Variants in DNAJC18 observed in about 807,000 individuals in gnomAD.
The protein encoded by DNAJC18 is dnaJ homolog subfamily C member 18.
Under a neutral mutation model 48.6 loss-of-function variants are expected in DNAJC18, and 40 were observed. That is an observed-to-expected ratio of 0.82 (90% CI 0.64 to 1.07). DNAJC18 has a LOEUF of 1.07. Among genes scored for constraint, DNAJC18 ranks in the 50% least tolerant of loss-of-function variants. The probability of loss-of-function intolerance (pLI) is 0.00; values close to 1 mark genes in which losing one functional copy is unlikely to be tolerated. For missense variants in DNAJC18, 340 were observed against 427.7 expected (o/e 0.79, Z 1.81); for synonymous variants, 135 against 152.2 (o/e 0.89, Z 0.83).
intron 7 of DNAJC18, chr5:139,418,910 C>T (rs770989934): frequency 2.2e-6 from 1 of 454,164 alleles, no homozygotes; most frequent in Non-Finnish European, 4.4e-6. Context: ...TGACATATAT[C>T]CCTGGAACTC....
Position 139,428,683 on chromosome 5 carries a change from C to T in DNAJC18, c.228G>A (p.Arg76=), listed in dbSNP as rs779334608. 4 of 1,606,604 alleles carry T rather than the reference C, an allele frequency of 2.5e-6. No homozygotes were observed. The highest frequency in any genetic ancestry group is 3.4e-6 in the Non-Finnish European group (4 of 1,177,742). The change falls in exon 3 of 8, where the codon AGG becomes AGA. Residue 76 remains arginine, a splice_region_variant and synonymous_variant. Coordinates refer to ENST00000302060, the MANE Select transcript of DNAJC18 (RefSeq NM_152686.4). ...CATAGTAATTTCTGCATTTCTTGAT[C>T]CTAAAAAAAATCACAAGCATGTATG... ...YSEEQLLGVQ[R]IKKCRNYYEI...
At chr5:139,435,712 T>TTTTTTTTG (rs1750631571) in intron 2 of DNAJC18, among the ~76,000 whole-genome samples, 1 of 109,080 alleles carries the variant, frequency 9.2e-6, no homozygotes, top group Non-Finnish European at 1.9e-5. Flanking sequence ...GAAGTTTTTT[T>TTTTTTTTG]TTTTTTTTTT....
intron 7 of DNAJC18, 139 bp downstream of exon 7, chr5:139,419,914 T>C (rs767106388): frequency 2.2e-5 from 18 of 833,758 alleles, no homozygotes; most frequent in Non-Finnish European, 3.2e-5. Context: ...TATAGTATCC[T>C]GAATGGCCTT....
At chr5:139,429,657 G>A (rs1490369488) in intron 2 of DNAJC18, among the ~76,000 whole-genome samples, 1 of 152,128 alleles carries the variant, frequency 6.6e-6, no homozygotes, top group Non-Finnish European at 1.5e-5. Flanking sequence ...GGGCGTGGTG[G>A]CTCACTCTTG....
At chr5:139,436,154 T>C (rs547565939) in intron 2 of DNAJC18, among the ~76,000 whole-genome samples, 2 of 152,238 alleles carry the variant, frequency 1.3e-5, no homozygotes, top group African/African-American at 4.8e-5. Flanking sequence ...GGCACTACCA[T>C]AGCTTACTGT....
intron 6 of DNAJC18, 53 bp from the exon 7 acceptor site, chr5:139,420,278 C>G: frequency 6.6e-7 from 1 of 1,512,078 alleles, no homozygotes; most frequent in Non-Finnish European, 8.9e-7. Flanking sequence ...GGCAATATTA[C>G]TCTTAGCACT....
At chr5:139,438,105 A>G (rs1208234637) in intron 1 of DNAJC18, among the ~76,000 whole-genome samples, 1 of 152,124 alleles carries the variant, frequency 6.6e-6, no homozygotes, top group Non-Finnish European at 1.5e-5. Flanking sequence ...TCACGAGGTC[A>G]GGAGATCGAG....
At chr5:139,429,943 A>C (rs1759303224) in intron 2 of DNAJC18, among the ~76,000 whole-genome samples, 1 of 152,172 alleles carries the variant, frequency 6.6e-6, no homozygotes, top group Admixed American at 6.5e-5. Context: ...ACAAACAAAA[A>C]ACAATTTATC....
intron 2 of DNAJC18, among the ~76,000 whole-genome samples, chr5:139,430,736 G>GT (rs1279372976): frequency 1.3e-5 from 2 of 151,694 alleles, no homozygotes. Flanking sequence ...CACCCAGCTA[G>GT]TTTTTTGTAT....
chr5:139,412,928 A>C lies in DNAJC18; in HGVS notation c.*1220T>G. The C allele has an allele frequency of 2.5e-6, 1 of 398,620 alleles. No homozygotes were observed. Among genetic ancestry groups the C allele is most frequent in the Non-Finnish European group, 4.4e-6 (1 of 226,078 alleles). 24.7% of individuals were successfully genotyped at this position (398,620 alleles called of 1,614,324 possible). ...GTTCTGCTTTGCCAGTCTGGCTAGA[A>C]TCACCTGAGACATGAGGATGCTCTC... On this transcript the variant is annotated 3_prime_UTR_variant, in exon 8 of 8. Transcript: ENST00000302060.
chr5:139,423,444 C>T (rs1759185409), intron 5 of DNAJC18, among the ~76,000 whole-genome samples: 1 of 149,326 alleles, frequency 6.7e-6, no homozygotes, highest in African/African-American at 2.5e-5. Context: ...GGCTAGAGTA[C>T]AGTGACACAA....
chr5:139,434,107 T>C (rs940349891), intron 2 of DNAJC18, among the ~76,000 whole-genome samples: 2 of 152,104 alleles, frequency 1.3e-5, no homozygotes, highest in African/African-American at 4.8e-5. Flanking sequence ...CCCAGGCTGG[T>C]CTCAAACTTC....
intron 7 of DNAJC18, among the ~76,000 whole-genome samples, chr5:139,416,086 T>A (rs1759065698): frequency 6.6e-6 from 1 of 152,206 alleles, no homozygotes; most frequent in South Asian, 2.1e-4. Flanking sequence ...CAAGGAATCA[T>A]GTCCCACATC....
intron 5 of DNAJC18, among the ~76,000 whole-genome samples, chr5:139,424,228 A>G (rs1289753926): frequency 2.0e-5 from 3 of 152,180 alleles, no homozygotes; most frequent in African/African-American, 7.2e-5. Context: ...AAAGAGTGGC[A>G]GGAAAACTGG....
rs1750742452 is a variant in DNAJC18 at position 139,439,246 on chromosome 5, C to T, written c.40+160G>A. The stretch of plus-strand genomic sequence containing the variant: ...TGGGCTCGCGGTCGGTCCCCAGCTT[C>T]CCTACCCCATCCGCAACCCTACTCA... On this transcript the variant is annotated intron_variant, in intron 1 of 7. Coordinates refer to ENST00000302060, the MANE Select transcript of DNAJC18 (RefSeq NM_152686.4). The surrounding 1 kb of genome is among the most constrained non-coding windows in gnomAD (Gnocchi z 4.1). Among the ~76,000 whole-genome samples, 1 of 152,148 alleles carries T rather than the reference C, an allele frequency of 6.6e-6. No individual in the cohort carries two copies. The highest frequency in any genetic ancestry group is 1.5e-5 in the Non-Finnish European group (1 of 68,008).
In DNAJC18 at chr5:139,413,477, C is replaced by G. The variant is rs1759026016; in HGVS notation, c.*671G>C. The G allele has an allele frequency of 6.6e-6, 1 of 152,298 alleles. No individual in the cohort carries two copies. Among genetic ancestry groups the G allele is most frequent in the South Asian group, 2.1e-4 (1 of 4,822 alleles). 9.4% of individuals were successfully genotyped at this position (152,298 alleles called of 1,614,324 possible). A position where few individuals can be genotyped will look rare whatever the true frequency, so the allele number is the denominator to read the frequency against. Reference sequence around the variant, plus strand: ...CTTGCATTATACCTTCGCCCTGGCCCCCGCCTCCAGATGCTGCTCAGTAGT... The same window carrying G: ...CTTGCATTATACCTTCGCCCTGGCCGCCGCCTCCAGATGCTGCTCAGTAGT... On this transcript the variant is annotated 3_prime_UTR_variant, in exon 8 of 8. Coordinates refer to ENST00000302060, the MANE Select transcript of DNAJC18 (RefSeq NM_152686.4).
In DNAJC18 at chr5:139,437,386, C is replaced by T. The variant is rs758650149; in HGVS notation, c.213G>A (p.Leu71=). The change falls in exon 2 of 8, where the codon CTG becomes CTA. Residue 71 remains leucine, a synonymous_variant. Coordinates refer to ENST00000302060, the MANE Select transcript of DNAJC18 (RefSeq NM_152686.4). Reference sequence around the variant, plus strand: ...CACATGCTCACCTTTGTACCCCAAGCAGCTGTTCCTCACTATACGTGGAGT... The same window carrying T: ...CACATGCTCACCTTTGTACCCCAAGTAGCTGTTCCTCACTATACGTGGAGT... ...EGNSTYSEEQ[L]LGVQRIKKCR... 2 of 1,610,256 alleles carry T rather than the reference C, an allele frequency of 1.2e-6. No homozygotes were observed. Among genetic ancestry groups the T allele is most frequent in the Non-Finnish European group, 1.7e-6 (2 of 1,178,468 alleles).
At chr5:139,417,801 G>A (rs1390038163) in intron 7 of DNAJC18, among the ~76,000 whole-genome samples, 5 of 151,910 alleles carry the variant, frequency 3.3e-5, no homozygotes, top group African/African-American at 7.3e-5. Flanking sequence ...CTCGAACTCC[G>A]GACCTCAGGT....
At chr5:139,428,396 C>G in intron 3 of DNAJC18, 142 bp downstream of exon 3, 2 of 1,145,736 alleles carry the variant, frequency 1.7e-6, no homozygotes, top group East Asian at 5.0e-5. Flanking sequence ...GGGAGCTATG[C>G]TGATTATCAC....
Sources: gnomAD v4.1 joint callset for allele counts (sites outside exome capture counted in the v4.1 genomes callset) on GRCh38, gnomAD v4.1.1 for gene constraint, Gnocchi (gnomAD v3.1) non-coding constraint, MANE v1.5 for transcripts, NCBI Gene and HGNC (gene_info 2026-07-23, HGNC 2026-07-21) for gene names.